The following CSMD1 variants were observed in gnomAD, a reference collection of about 807,000 sequenced individuals.
The protein encoded by CSMD1 is CUB and Sushi multiple domains 1.
In CSMD1, 213 loss-of-function variants were observed where a neutral mutation model predicts 417.5. The observed-to-expected ratio is 0.51, with a 90% CI of 0.46 to 0.57. CSMD1 has a LOEUF of 0.57. Among genes scored for constraint, CSMD1 ranks in the 20% least tolerant of loss-of-function variants. CSMD1 has a pLI of 0.00. For synonymous variants in CSMD1, 2,862 were observed against 1,736.8 expected, an observed-to-expected ratio of 1.65 and a Z score of -16.11; for missense variants, 6,923 against 4,529.7, an observed-to-expected ratio of 1.53 and a Z score of -15.17.
At chr8:3,433,512 A>G (rs1814356953) in intron 12 of CSMD1, among the ~76,000 whole-genome samples, 1 of 151,872 alleles carries the variant, frequency 6.6e-6, no homozygotes, top group Non-Finnish European at 1.5e-5. Context: ...ATTTTTCAAG[A>G]TCTCCTTATT....
chr8:4,306,383 T>C (rs1798247614), intron 3 of CSMD1, among the ~76,000 whole-genome samples: 1 of 123,072 alleles, frequency 8.1e-6, no homozygotes, highest in Non-Finnish European at 1.6e-5. Context: ...CTGATAATGC[T>C]GGATTAAAAA....
At chr8:4,826,019 C>G (rs1044213130) in intron 1 of CSMD1, among the ~76,000 whole-genome samples, 12 of 151,734 alleles carry the variant, frequency 7.9e-5, no homozygotes, top group Admixed American at 6.6e-4. Context: ...AAATTAGAAC[C>G]CTTTTTCACT....
At chr8:2,988,307 CAT>C (rs765837553) in intron 54 of CSMD1, among the ~76,000 whole-genome samples, 18 of 152,022 alleles carry the variant, frequency 1.2e-4, no homozygotes, top group African/African-American at 2.7e-4. Flanking sequence ...TATCTGGACA[CAT>C]GTTTTACATG....
intron 3 of CSMD1, among the ~76,000 whole-genome samples, chr8:4,180,472 A>T (rs1468744714): frequency 6.6e-6 from 1 of 151,388 alleles, no homozygotes. Context: ...GATATGCCTA[A>T]TGCTAAATGA....
At chr8:4,068,059 G>GA (rs1563079868) in intron 3 of CSMD1, among the ~76,000 whole-genome samples, 6 of 152,066 alleles carry the variant, frequency 3.9e-5, no homozygotes, top group African/African-American at 1.4e-4. Context: ...CCAGCCTGGC[G>GA]ACAGAGGGAG....
At chr8:4,383,382 T>C (rs144451237) in intron 3 of CSMD1, among the ~76,000 whole-genome samples, 84 of 152,252 alleles carry the variant, frequency 5.5e-4, no homozygotes, top group African/African-American at 1.9e-3. Context: ...AATGTTTACT[T>C]GGGGGCTACA....
chr8:3,384,720 AATATTTATATATATTATATAAATAT>A (rs1201669367), intron 18 of CSMD1, among the ~76,000 whole-genome samples: 17 of 118,286 alleles, frequency 1.4e-4, no homozygotes, highest in Admixed American at 6.4e-4. Flanking sequence ...ATATATTTAT[AATATTTATATATATTATATAAATAT>A]ATATTTATAT....
At chr8:4,365,588 C>A (rs1272945077) in intron 3 of CSMD1, among the ~76,000 whole-genome samples, 1 of 152,150 alleles carries the variant, frequency 6.6e-6, no homozygotes, top group African/African-American at 2.4e-5. Context: ...CAAGCAGATA[C>A]TCTGGTTTCT....
intron 2 of CSMD1, among the ~76,000 whole-genome samples, chr8:4,420,310 T>C (rs546400987): frequency 4.3e-4 from 65 of 152,270 alleles, no homozygotes; most frequent in African/African-American, 1.4e-3. Context: ...CTTACTTATA[T>C]AATATGCCAT....
intron 3 of CSMD1, among the ~76,000 whole-genome samples, chr8:4,355,600 A>G (rs921576116): frequency 2.0e-5 from 3 of 152,062 alleles, no homozygotes; most frequent in African/African-American, 7.3e-5. Flanking sequence ...GTGTTCAGAC[A>G]GAAGAATAAC....
chr8:3,707,739 G>A (rs1156612373), intron 7 of CSMD1, among the ~76,000 whole-genome samples: 2 of 152,182 alleles, frequency 1.3e-5, no homozygotes, highest in South Asian at 4.1e-4. Context: ...TTCAGCTAAA[G>A]GACAAAGGGC....
intron 1 of CSMD1, among the ~76,000 whole-genome samples, chr8:4,699,130 G>C (rs909809058): frequency 2.8e-4 from 42 of 152,082 alleles, no homozygotes; most frequent in Non-Finnish European, 1.9e-4. Context: ...CATTTACTTG[G>C]ATGATGCCAG....
chr8:4,354,521 T>C (rs1156800669), intron 3 of CSMD1, among the ~76,000 whole-genome samples: 3 of 152,170 alleles, frequency 2.0e-5, no homozygotes, highest in Admixed American at 1.3e-4. Context: ...GTTTAATCAC[T>C]TGATGTTGTG....
intron 1 of CSMD1, among the ~76,000 whole-genome samples, chr8:4,907,629 G>A (rs1805383448): frequency 6.6e-6 from 1 of 152,028 alleles, no homozygotes; most frequent in Admixed American, 6.6e-5. Flanking sequence ...GCAAAAACAT[G>A]GCTCACTGCA....
At position 2,950,112 on chromosome 8, in the gene CSMD1, T is replaced by G. The variant is rs1802523808; in HGVS notation, c.10314+119A>C. 3 of 659,326 alleles carry G rather than the reference T, an allele frequency of 4.6e-6. No homozygotes were observed. The Admixed American group carries it at 7.3e-5, about 16-fold the overall frequency. 40.8% of individuals were successfully genotyped at this position (659,326 alleles called of 1,614,324 possible). The stretch of plus-strand genomic sequence containing the variant: ...TGTCAAGAAGAGGGGCAGCTGAGTT[T>G]TCAAGGGGCAGACACAAGACAGCTC... On this transcript the variant is annotated intron_variant, in intron 67 of 69. Coordinates refer to ENST00000635120, the MANE Select transcript of CSMD1 (RefSeq NM_033225.6).
chr8:4,573,867 C>T (rs568686613), intron 2 of CSMD1, among the ~76,000 whole-genome samples: 14 of 152,262 alleles, frequency 9.2e-5, no homozygotes, highest in African/African-American at 3.1e-4. Flanking sequence ...GTGGCTTTGC[C>T]GTGCAGTGGT....
intron 5 of CSMD1, among the ~76,000 whole-genome samples, chr8:3,994,589 A>C (rs941824263): frequency 6.6e-6 from 1 of 152,156 alleles, no homozygotes; most frequent in African/African-American, 2.4e-5. Context: ...GATTGATAGG[A>C]AGCCAACCTG....
At chr8:4,432,598 G>C (rs990248868) in intron 2 of CSMD1, among the ~76,000 whole-genome samples, 6 of 152,098 alleles carry the variant, frequency 3.9e-5, no homozygotes, top group African/African-American at 1.2e-4. Flanking sequence ...CACTCCTTTT[G>C]CAGGTGAGGA....
intron 1 of CSMD1, among the ~76,000 whole-genome samples, chr8:4,955,170 G>A (rs375483060): frequency 2.0e-5 from 3 of 152,250 alleles, no homozygotes; most frequent in Non-Finnish European, 4.4e-5. Context: ...TCTGAGTGCA[G>A]ACCTACGGGG....
Sources: gnomAD v4.1 joint callset for allele counts (sites outside exome capture counted in the v4.1 genomes callset) on GRCh38, gnomAD v4.1.1 for gene constraint, MANE v1.5 for transcripts, NCBI Gene and HGNC (gene_info 2026-07-23, HGNC 2026-07-21) for gene names.